PLXNA4: variants seen among roughly 807,000 people sequenced by gnomAD.
PLXNA4 encodes plexin-A4.
PLXNA4 carries 44 observed loss-of-function variants against 191.8 expected under a neutral mutation model. The observed-to-expected ratio is 0.23, with a 90% CI of 0.18 to 0.29. The LOEUF is 0.29. Among genes scored for constraint, PLXNA4 ranks in the 10% least tolerant of loss-of-function variants. The pLI is 1.00. For synonymous variants in PLXNA4, 1,082 were observed against 1,009.5 expected (o/e 1.07, Z -1.36); for missense variants, 1,800 against 2,488.8 (o/e 0.72, Z 5.89).
chr7:132,505,258 C>T (rs156956), intron 2 of PLXNA4, among the ~76,000 whole-genome samples: 60,916 of 152,206 alleles, frequency 0.4, 12,425 homozygotes, highest in African/African-American at 0.46. Flanking sequence ...GGCTACCACA[C>T]GGTGTTAGGA....
At chr7:132,385,232 T>C (rs543915343) in intron 3 of PLXNA4, 2 of 1,614,132 alleles carry the variant, frequency 1.2e-6, no homozygotes, top group East Asian at 2.2e-5. Context: ...AGAGTCACTG[T>C]TGCTCTGTGG....
At chr7:132,565,053 C>A (rs1801655715) in intron 1 of PLXNA4, among the ~76,000 whole-genome samples, 1 of 152,194 alleles carries the variant, frequency 6.6e-6, no homozygotes, top group Non-Finnish European at 1.5e-5. Context: ...CACACGGGAG[C>A]CGGCAAGGTG....
At chr7:132,324,597 T>C (rs1582639) in intron 3 of PLXNA4, among the ~76,000 whole-genome samples, 122,543 of 152,192 alleles carry the variant, frequency 0.81, 49,524 homozygotes, top group African/African-American at 0.86. Context: ...CCAAGATTTA[T>C]TTGGGATAAA....
intron 30 of PLXNA4, among the ~76,000 whole-genome samples, chr7:132,136,460 G>A (rs1355937051): frequency 6.6e-6 from 1 of 152,188 alleles, no homozygotes; most frequent in African/African-American, 2.4e-5. Context: ...AGAAGGAGCT[G>A]GTCCCACCAC....
chr7:132,221,558 C>A (rs1205886472), intron 9 of PLXNA4, among the ~76,000 whole-genome samples: 1 of 152,240 alleles, frequency 6.6e-6, no homozygotes, highest in Non-Finnish European at 1.5e-5. Context: ...CCTGGCCAGG[C>A]TGATGAGACT....
At chr7:132,197,984 G>T (rs1797304347) in intron 13 of PLXNA4, among the ~76,000 whole-genome samples, 1 of 152,174 alleles carries the variant, frequency 6.6e-6, no homozygotes, top group Admixed American at 6.5e-5. Context: ...GTGGGTTACA[G>T]GTCAAGGTCT....
At chr7:132,623,556 G>A (rs941795199) in intron 2 of PLXNA4, among the ~76,000 whole-genome samples, 2 of 152,112 alleles carry the variant, frequency 1.3e-5, no homozygotes, top group Admixed American at 1.3e-4. Context: ...AGACTATCCA[G>A]CTCCTTCCAC....
chr7:132,373,619 T>A (rs1395608751), intron 3 of PLXNA4, among the ~76,000 whole-genome samples: 3 of 152,220 alleles, frequency 2.0e-5, no homozygotes, highest in African/African-American at 7.2e-5. Flanking sequence ...ATGTTCAAAC[T>A]TTAAAACAAA....
At chr7:132,401,749 GA>G (rs1313698997) in intron 3 of PLXNA4, among the ~76,000 whole-genome samples, 2 of 152,196 alleles carry the variant, frequency 1.3e-5, no homozygotes, top group Non-Finnish European at 2.9e-5. Flanking sequence ...GAGGAGTGAA[GA>G]TGGATAAAAC....
At chr7:132,524,757 C>T (rs1021435442) in intron 1 of PLXNA4, among the ~76,000 whole-genome samples, 6 of 151,976 alleles carry the variant, frequency 3.9e-5, no homozygotes, top group South Asian at 2.1e-4. Flanking sequence ...TTAGTAGAGA[C>T]GGGGTTTCAC....
chr7:132,232,488 CCCT>C (rs1481629490), intron 5 of PLXNA4, among the ~76,000 whole-genome samples: 1 of 152,156 alleles, frequency 6.6e-6, no homozygotes, highest in Non-Finnish European at 1.5e-5. Flanking sequence ...GAGCTGGAGT[CCCT>C]CCCTGCTAAC....
chr7:132,274,618 A>C (rs902739174), intron 4 of PLXNA4, among the ~76,000 whole-genome samples: 1 of 152,046 alleles, frequency 6.6e-6, no homozygotes, highest in African/African-American at 2.4e-5. Flanking sequence ...TGTCTTTATG[A>C]CTTTGACACT....
intron 3 of PLXNA4, among the ~76,000 whole-genome samples, chr7:132,385,461 G>A (rs1383579685): frequency 6.6e-6 from 1 of 152,198 alleles, no homozygotes; most frequent in Non-Finnish European, 1.5e-5. Flanking sequence ...TATCTATGGA[G>A]CAGAACTAAC....
intron 3 of PLXNA4, among the ~76,000 whole-genome samples, chr7:132,368,876 C>A (rs1804307331): frequency 6.6e-6 from 1 of 152,228 alleles, no homozygotes; most frequent in Admixed American, 6.5e-5. Context: ...TGGGAACCCA[C>A]ATTGCATCTG....
At chr7:132,457,777 T>C (rs538634349) in intron 3 of PLXNA4, among the ~76,000 whole-genome samples, 22 of 152,266 alleles carry the variant, frequency 1.4e-4, no homozygotes, top group Non-Finnish European at 2.6e-4. Flanking sequence ...AGGGAGGCAG[T>C]GTGAAGACAG....
chr7:132,464,201 G>A (rs1796616635), intron 3 of PLXNA4, among the ~76,000 whole-genome samples: 1 of 152,196 alleles, frequency 6.6e-6, no homozygotes, highest in South Asian at 2.1e-4. Flanking sequence ...AATCTGCTCT[G>A]GAAGAGTCCT....
At chr7:132,493,761 GGATGGA>G in intron 2 of PLXNA4, among the ~76,000 whole-genome samples, 1 of 149,104 alleles carries the variant, frequency 6.7e-6, no homozygotes, top group Non-Finnish European at 1.5e-5. Flanking sequence ...ATGGATGGAT[GGATGGA>G]TGGATGGATG....
At chr7:132,574,907 C>T (rs1281979015) in intron 1 of PLXNA4, among the ~76,000 whole-genome samples, 1 of 152,210 alleles carries the variant, frequency 6.6e-6, no homozygotes, top group Non-Finnish European at 1.5e-5. Flanking sequence ...ATGTTTGCTC[C>T]TCTTCCATCA....
chr7:132,483,637 T>C (rs905717880), intron 3 of PLXNA4, among the ~76,000 whole-genome samples: 8 of 152,230 alleles, frequency 5.3e-5, no homozygotes, highest in Admixed American at 2.6e-4. Context: ...AATTTTAATG[T>C]GTTTGCATTT....
Sources: gnomAD v4.1 joint callset for allele counts (sites outside exome capture counted in the v4.1 genomes callset) on GRCh38, gnomAD v4.1.1 for gene constraint, MANE v1.5 for transcripts, NCBI Gene and HGNC (gene_info 2026-07-23, HGNC 2026-07-21) for gene names.